The following BDP1 variants were observed in gnomAD, a reference collection of about 807,000 sequenced individuals.
BDP1 encodes the protein BDP1 general transcription factor IIIB subunit, also known as transcription factor TFIIIB component B'' homolog.
Under a neutral mutation model 266.6 loss-of-function variants are expected in BDP1, and 169 were observed. The observed-to-expected ratio is 0.63, with a 90% confidence interval of 0.56 to 0.72. BDP1 has a LOEUF of 0.72. Among genes scored for constraint, BDP1 ranks in the 30% least tolerant of loss-of-function variants. The pLI is 0.00. For synonymous variants in BDP1, 1,090 were observed against 1,022.4 expected, an observed-to-expected ratio of 1.07 and a Z score of -1.26; for missense variants, 3,015 against 3,053.8, an observed-to-expected ratio of 0.99 and a Z score of 0.30.
intron 7 of BDP1, among the ~76,000 whole-genome samples, chr5:71,483,632 A>G (rs923995594): frequency 7.9e-5 from 12 of 152,190 alleles, no homozygotes; most frequent in African/African-American, 2.7e-4. Flanking sequence ...GATTCATGCT[A>G]TTGGTAATGA....
At chr5:71,540,636 T>C (rs758028153) in intron 28 of BDP1, among the ~76,000 whole-genome samples, 19 of 152,018 alleles carry the variant, frequency 1.2e-4, no homozygotes, top group Non-Finnish European at 2.2e-4. Context: ...CTTCCATTCA[T>C]TTTAAGTATT....
chr5:71,549,927 CTG>C (rs1450478840), intron 34 of BDP1, among the ~76,000 whole-genome samples: 2 of 152,190 alleles, frequency 1.3e-5, no homozygotes, highest in African/African-American at 2.4e-5. Flanking sequence ...ACATATGAAA[CTG>C]TGAAATATGC....
chr5:71,512,508 A>G, intron 18 of BDP1, 80 bp downstream of exon 18: 1 of 958,892 alleles, frequency 1.0e-6, no homozygotes, highest in South Asian at 2.1e-5. Context: ...TCAAGATATA[A>G]CATATACAGG....
chr5:71,531,923 A>G (rs1213946755), intron 25 of BDP1, among the ~76,000 whole-genome samples: 1 of 152,184 alleles, frequency 6.6e-6, no homozygotes, highest in Non-Finnish European at 1.5e-5. Flanking sequence ...GAGGATAGGG[A>G]CTACACTTAT....
At chr5:71,545,338 TTC>T in intron 32 of BDP1, 119 bp downstream of exon 32, 1 of 1,020,824 alleles carries the variant, frequency 9.8e-7, no homozygotes, top group Non-Finnish European at 1.4e-6. Context: ...TCTTTATTTC[TTC>T]TTTTTTTTTT....
At position 71,563,688 on chromosome 5, in the gene BDP1, A is replaced by G. The variant is rs541061431; in HGVS notation, c.7744-1066A>G. On this transcript the variant is annotated intron_variant, in intron 38 of 38. Coordinates refer to ENST00000358731, the MANE Select transcript of BDP1 (RefSeq NM_018429.3). ...AGCACTTTGGGAGGCCAAGGCGGGC[A>G]GATCACCTGAGGTGAGGAGTTTGAG... is the stretch of plus-strand genomic sequence containing the variant. 4.6e-5 allele frequency among the ~76,000 whole-genome samples: 7 copies of G among 152,320 alleles called. No individual in the cohort carries two copies. The East Asian group carries it at 5.8e-4, about 13-fold the overall frequency.
chr5:71,556,855 CTAAATTTT>C, intron 35 of BDP1, 23 bp from the exon 36 acceptor site: 1 of 1,125,046 alleles, frequency 8.9e-7, no homozygotes, highest in Non-Finnish European at 1.2e-6. Context: ...TGATAAATTT[CTAAATTTT>C]TTTTTAAATT....
Position 71,464,044 on chromosome 5 carries a change from T to C in BDP1, c.600-14T>C, listed in dbSNP as rs1410220582. On this transcript the variant is annotated splice_polypyrimidine_tract_variant and intron_variant, in intron 3 of 38. Coordinates refer to ENST00000358731, the MANE Select transcript of BDP1 (RefSeq NM_018429.3). ...TAATAATTTATTAAAGATATTGTTA[T>C]TTATGTTCAATAGTTCTTCACTGGA... is the stretch of plus-strand genomic sequence containing the variant. 4 of 1,469,452 alleles carry C rather than the reference T, an allele frequency of 2.7e-6. No homozygotes were observed. The highest frequency in any genetic ancestry group is 4.1e-5 in the Admixed American group (2 of 48,832). 91.0% of individuals were successfully genotyped at this position (1,469,452 alleles called of 1,614,324 possible).
intron 8 of BDP1, 35 bp downstream of exon 8, chr5:71,483,931 T>G (rs1462730402): frequency 6.6e-7 from 1 of 1,507,138 alleles, no homozygotes; most frequent in Non-Finnish European, 9.1e-7. Flanking sequence ...AAGTATTACT[T>G]GAAGAGCCTA....
intron 36 of BDP1, among the ~76,000 whole-genome samples, chr5:71,558,011 A>G (rs1169461942): frequency 3.3e-5 from 5 of 152,198 alleles, no homozygotes; most frequent in Non-Finnish European, 7.3e-5. Context: ...CCTCATGACT[A>G]AAGCTGCCAG....
rs148284122 is a variant in BDP1, at chr5:71,507,163, A to G, written c.2373-2302A>G. 5.5e-3 allele frequency among the ~76,000 whole-genome samples: 833 copies of G among 152,240 alleles called. 8 individuals carry two copies. Among genetic ancestry groups the G allele is most frequent in the African/African-American group, 0.019 (796 of 41,542 alleles). Reference sequence around the variant, plus strand: ...TTCTTAAACTCCGTGTTTTAGAAAAACACATATGCAGACCTTAAAGCACAT... The same window carrying G: ...TTCTTAAACTCCGTGTTTTAGAAAAGCACATATGCAGACCTTAAAGCACAT... On this transcript the variant is annotated intron_variant, in intron 16 of 38. Coordinates refer to ENST00000358731, the MANE Select transcript of BDP1 (RefSeq NM_018429.3).
rs1742182533 is a variant in BDP1 at position 71,545,065 on chromosome 5, A to T, written c.6590A>T (p.Gln2197Leu). Residue 2197 changes from glutamine to leucine, a missense_variant, in exon 32 of 39, where the codon CAG becomes CTG. Transcript: ENST00000358731. ...AACGAAAATCAAGAAGAGAGCTCTC[A>T]GGAGGTTCACATGTTGTCAGTTGCT... ...ERNENQEESS[Q>L]EVHMLSVAPV... The T allele has an allele frequency of 6.2e-7, 1 of 1,613,642 alleles. No individual in the cohort carries two copies. Among genetic ancestry groups the T allele is most frequent in the East Asian group, 2.2e-5 (1 of 44,860 alleles).
chr5:71,548,699 T>A lies in BDP1; in HGVS notation c.6762T>A (p.Ile2254=). The A allele has an allele frequency of 1.2e-6, 2 of 1,607,832 alleles. No individual in the cohort carries two copies. The highest frequency in any genetic ancestry group is 1.7e-6 in the Non-Finnish European group (2 of 1,174,840). Residue 2254 remains isoleucine (I), a synonymous_variant, in exon 33 of 39, where the codon ATT becomes ATA. Coordinates refer to ENST00000358731, the MANE Select transcript of BDP1 (RefSeq NM_018429.3). ...LPVPEYTPTS[I]PEVQQENIIN... ...TATGGCAGTATACACCAACAAGTAT[T>A]CCAGAAGTCCAACAAGAGAATATAA...
Position 71,524,219 on chromosome 5 carries a change from T to C in BDP1, c.5668T>C (p.Tyr1890His). 6.2e-7 allele frequency: 1 copy of C among 1,614,224 alleles called. No individual in the cohort carries two copies. The highest frequency in any genetic ancestry group is 8.5e-7 in the Non-Finnish European group (1 of 1,180,032). The stretch of plus-strand genomic sequence containing the variant: ...TGAGTCTGACTATGAGGAAGAAAGC[T>C]ATCATCTTGCTCCCGAAGAAGTAAA... ...DFESDYEEESYHLAPEEVNKA... is the reference protein window; with the variant it reads ...DFESDYEEESHHLAPEEVNKA... Residue 1890 changes from tyrosine to histidine, a missense_variant, in exon 25 of 39, where the codon TAT (tyrosine) becomes CAT (histidine). Physicochemically the swap from Tyr to His is moderately conservative, Grantham distance 83 (BLOSUM62 2). Transcript: ENST00000358731.
chr5:71,545,561 C>A, intron 32 of BDP1: 1 of 258,334 alleles, frequency 3.9e-6, no homozygotes, highest in Non-Finnish European at 7.3e-6. Context: ...GAACGCCTGG[C>A]TTCAAGTGAT....
At chr5:71,559,321 A>G (rs141871939) in intron 36 of BDP1, among the ~76,000 whole-genome samples, 2 of 152,328 alleles carry the variant, frequency 1.3e-5, no homozygotes, top group African/African-American at 2.4e-5. Flanking sequence ...GCAAACCACA[A>G]TACAGTGAAG....
chr5:71,516,047 G>A lies in BDP1; in HGVS notation c.4650-14G>A, dbSNP rs1374331500. ...AGTCAAGCGCCCTGCCTTTCTCCCT[G>A]TCCCCTTGTTTAGGACTAATAATGT... On this transcript the variant is annotated splice_polypyrimidine_tract_variant and intron_variant, in intron 20 of 38. Transcript: ENST00000358731. The A allele has an allele frequency of 4.4e-6, 7 of 1,582,818 alleles. No individual in the cohort carries two copies. In the African/African-American group the frequency reaches 6.8e-5, roughly 15 times the overall value.
chr5:71,466,138 GGAA>G lies in BDP1; in HGVS notation c.708_710del (p.Glu237del). ...CTCCTAATGCTGAAGATAATGAAAT[GGAA>G]GAAGAGACAGATGATGGGCCATTAC... On this transcript the variant is annotated inframe_deletion, in exon 5 of 39. Coordinates refer to ENST00000358731, the MANE Select transcript of BDP1 (RefSeq NM_018429.3). The G allele has an allele frequency of 6.2e-7, 1 of 1,613,760 alleles. No homozygotes were observed. Among genetic ancestry groups the G allele is most frequent in the Non-Finnish European group, 8.5e-7 (1 of 1,179,724 alleles).
chr5:71,508,989 A>G (rs1319241452), intron 16 of BDP1, among the ~76,000 whole-genome samples: 1 of 152,216 alleles, frequency 6.6e-6, no homozygotes, highest in African/African-American at 2.4e-5. Flanking sequence ...GGCAGACCTC[A>G]TTTGTAGTCC....
Sources: allele counts gnomAD v4.1 joint callset (sites outside exome capture counted in the v4.1 genomes callset), GRCh38; gene constraint gnomAD v4.1.1; transcripts MANE v1.5; gene names NCBI Gene and HGNC (gene_info 2026-07-23, HGNC 2026-07-21).